The following PALMD variants were observed in gnomAD, a reference collection of about 807,000 sequenced individuals.
The protein encoded by PALMD is palmdelphin.
A neutral mutation model predicts 56.2 loss-of-function variants in PALMD; 42 were observed. The ratio of observed to expected loss-of-function variants is 0.75; its 90% CI spans 0.58 to 0.97. The LOEUF (loss-of-function observed/expected upper bound fraction) is 0.97, where lower values mean the gene tolerates loss of function less well. Among genes scored for constraint, PALMD ranks in the 50% least tolerant of loss-of-function variants. The pLI, the probability that PALMD is intolerant of heterozygous loss-of-function variation, is 0.00. For synonymous variants in PALMD, 242 were observed against 222.9 expected (o/e 1.09, Z -0.76); for missense variants, 660 against 643.8 (o/e 1.03, Z -0.27).
At position 99,689,564 on chromosome 1, in the gene PALMD, G is replaced by C. The variant is rs1203535852; in HGVS notation, c.1304G>C (p.Gly435Ala). 1 of 1,613,722 alleles carries C rather than the reference G, an allele frequency of 6.2e-7. No homozygotes were observed. Among genetic ancestry groups the C allele is most frequent in the East Asian group, 2.2e-5 (1 of 44,854 alleles). Residue 435 changes from glycine (G) to alanine (A), a missense_variant, in exon 7 of 8, where the codon GGA (glycine) becomes GCA (alanine). Transcript: ENST00000263174. Reference sequence around the variant, plus strand: ...GAAGAAGATAAGAAGTTTCTGACAGGATATGATGGGATCATCCATGCTGAG... The same window carrying C: ...GAAGAAGATAAGAAGTTTCTGACAGCATATGATGGGATCATCCATGCTGAG... ...DSEEDKKFLTGYDGIIHAELV... is the reference protein window; with the variant it reads ...DSEEDKKFLTAYDGIIHAELV...
At chr1:99,674,990 A>C (rs889702649) in intron 3 of PALMD, among the ~76,000 whole-genome samples, 1 of 151,540 alleles carries the variant, frequency 6.6e-6, no homozygotes, top group African/African-American at 2.4e-5. Context: ...TTCCACACCC[A>C]CCCCCTTGCG....
intron 3 of PALMD, among the ~76,000 whole-genome samples, chr1:99,677,560 C>A (rs962815967): frequency 6.6e-6 from 1 of 152,120 alleles, no homozygotes; most frequent in African/African-American, 2.4e-5. Context: ...ATCTGCATTC[C>A]ACTTCAGGAA....
intron 7 of PALMD, among the ~76,000 whole-genome samples, chr1:99,691,081 A>G (rs1651788810): frequency 1.3e-5 from 2 of 152,172 alleles, no homozygotes; most frequent in Non-Finnish European, 1.5e-5. Flanking sequence ...AACTTCCTCA[A>G]TCAGAGTTGA....
chr1:99,688,967 C>T lies in PALMD; in HGVS notation c.707C>T (p.Pro236Leu), dbSNP rs1324129476. ...TACAATGGCACCGATGGCCTGGCAC[C>T]AGTTGAAGTAGAGGAACTTCTAAGA... is the stretch of plus-strand genomic sequence containing the variant. Reference protein sequence around the residue: ...AAYNGTDGLAPVEVEELLRQA... With the variant: ...AAYNGTDGLALVEVEELLRQA... Residue 236 changes from proline to leucine, a missense_variant, in exon 7 of 8, where the codon CCA (proline) becomes CTA (leucine). Physicochemically the swap from Pro to Leu is moderately conservative, Grantham distance 98 (BLOSUM62 -3). Transcript: ENST00000263174. 4.3e-6 allele frequency: 7 copies of T among 1,613,524 alleles called. No homozygotes were observed. The Admixed American group carries it at 1.2e-4, about 27-fold the overall frequency.
intron 1 of PALMD, among the ~76,000 whole-genome samples, chr1:99,655,934 GCA>G (rs1049909055): frequency 2.0e-5 from 2 of 101,166 alleles, no homozygotes; most frequent in African/African-American, 7.5e-5. Context: ...TAACACACAC[GCA>G]CACACACACA....
At chr1:99,655,659 T>C (rs1652707042) in intron 1 of PALMD, among the ~76,000 whole-genome samples, 2 of 152,202 alleles carry the variant, frequency 1.3e-5, no homozygotes, top group African/African-American at 4.8e-5. Context: ...TTTTCTGTCA[T>C]GTCTATAAAT....
At chr1:99,669,132 A>G (rs1192553120) in intron 3 of PALMD, 1 of 152,214 alleles carries the variant, frequency 6.6e-6, no homozygotes, top group Non-Finnish European at 1.5e-5. Flanking sequence ...GACTGACAAC[A>G]TGAAGAAAGT....
At chr1:99,658,621 A>G (rs1314052620) in intron 1 of PALMD, among the ~76,000 whole-genome samples, 2 of 152,032 alleles carry the variant, frequency 1.3e-5, no homozygotes, top group Non-Finnish European at 2.9e-5. Flanking sequence ...AATACAAAAA[A>G]TTAACCGCGT....
Position 99,688,997 on chromosome 1 carries a change from C to G in PALMD, c.737C>G (p.Ala246Gly), listed in dbSNP as rs1653591836. The G allele has an allele frequency of 6.2e-7, 1 of 1,613,676 alleles. No homozygotes were observed. The highest frequency in any genetic ancestry group is 8.5e-7 in the Non-Finnish European group (1 of 1,179,734). The part of the protein sequence containing the change: ...PVEVEELLRQ[A>G]SERNSKSPTE... ...GAAGTAGAGGAACTTCTAAGACAAGCCTCAGAGAGAAACTCTAAATCCCCA... is the reference window on the plus strand; with the variant it reads ...GAAGTAGAGGAACTTCTAAGACAAGGCTCAGAGAGAAACTCTAAATCCCCA... Residue 246 changes from alanine (A) to glycine (G), a missense_variant, in exon 7 of 8, where the codon GCC (alanine) becomes GGC (glycine). Transcript: ENST00000263174.
At position 99,646,251 on chromosome 1, in the gene PALMD, C is replaced by T. The variant is rs1557665042; in HGVS notation, c.-67C>T. The T allele has an allele frequency of 5.4e-6, 7 of 1,287,922 alleles. No homozygotes were observed. The highest frequency in any genetic ancestry group is 7.9e-6 in the Non-Finnish European group (7 of 882,728). 79.8% of individuals were successfully genotyped at this position (1,287,922 alleles called of 1,614,324 possible). Reference sequence around the variant, plus strand: ...TTCTGTCACCCCCGCTCCTCTCCCCCAGGAGGCTCCTTGATTTATGGTAGC... The same window carrying T: ...TTCTGTCACCCCCGCTCCTCTCCCCTAGGAGGCTCCTTGATTTATGGTAGC... On this transcript the variant is annotated 5_prime_UTR_variant, in exon 1 of 8. Coordinates refer to ENST00000263174, the MANE Select transcript of PALMD (RefSeq NM_017734.5).
chr1:99,659,340 TA>T (rs1652795405), intron 1 of PALMD, among the ~76,000 whole-genome samples: 1 of 152,216 alleles, frequency 6.6e-6, no homozygotes, highest in Non-Finnish European at 1.5e-5. Flanking sequence ...GTTGCTAAAA[TA>T]GGCTGTCAGA....
intron 2 of PALMD, among the ~76,000 whole-genome samples, chr1:99,667,077 C>A (rs1428862893): frequency 6.6e-6 from 1 of 152,128 alleles, no homozygotes; most frequent in Non-Finnish European, 1.5e-5. Context: ...GCCACACAGC[C>A]TAAGAATAAC....
intron 3 of PALMD, among the ~76,000 whole-genome samples, chr1:99,682,911 C>A (rs1653374180): frequency 6.6e-6 from 1 of 151,492 alleles, no homozygotes; most frequent in Non-Finnish European, 1.5e-5. Context: ...GAGGCTGAGT[C>A]AGGAGAATCG....
intron 2 of PALMD, among the ~76,000 whole-genome samples, 195 bp downstream of exon 2, chr1:99,662,594 G>A (rs1479145803): frequency 6.6e-6 from 1 of 152,170 alleles, no homozygotes; most frequent in Non-Finnish European, 1.5e-5. Context: ...GCAAACATGT[G>A]CAAAGTTGAA....
At chr1:99,693,747 A>T (rs1032955416) in intron 7 of PALMD, among the ~76,000 whole-genome samples, 6 of 152,198 alleles carry the variant, frequency 3.9e-5, no homozygotes, top group Admixed American at 6.5e-5. Flanking sequence ...CTGTGCATTA[A>T]TCCTGTATTT....
Position 99,688,561 on chromosome 1 carries a change from CA to C in PALMD, c.515-213del, listed in dbSNP as rs143218498. ...CTCTTCTTCAACCCTTTCCATTTTT[CA>C]GTACAATTCCCTACACCATTACATA... On this transcript the variant is annotated intron_variant, in intron 6 of 7. Transcript: ENST00000263174. Among the ~76,000 whole-genome samples the C allele has an allele frequency of 2.6e-4, 39 of 152,198 alleles. 1 individual carries two copies. In the East Asian group the frequency reaches 7.5e-3, roughly 29 times the overall value.
intron 6 of PALMD, 125 bp downstream of exon 6, chr1:99,687,314 G>A: frequency 1.0e-6 from 1 of 958,290 alleles, no homozygotes; most frequent in Non-Finnish European, 1.5e-6. Flanking sequence ...ACAAAGTTCT[G>A]TGAGTTATGT....
chr1:99,646,822 G>C (rs188828330), intron 1 of PALMD, among the ~76,000 whole-genome samples: 5 of 152,132 alleles, frequency 3.3e-5, no homozygotes, highest in Non-Finnish European at 7.3e-5. Context: ...TATATTTGTA[G>C]TGTGGTAGCA....
chr1:99,669,965 T>C (rs1169682631), intron 3 of PALMD: 1 of 152,214 alleles, frequency 6.6e-6, no homozygotes, highest in Non-Finnish European at 1.5e-5. Context: ...AGTTAAGGAA[T>C]TCACACAACT....
Sources: gnomAD v4.1 joint callset for allele counts (sites outside exome capture counted in the v4.1 genomes callset) on GRCh38, gnomAD v4.1.1 for gene constraint, MANE v1.5 for transcripts, NCBI Gene and HGNC (gene_info 2026-07-23, HGNC 2026-07-21) for gene names.